Variants in DCDC1 observed in about 807,000 individuals in gnomAD.
DCDC1 encodes doublecortin domain-containing protein 1.
DCDC1 carries 200 observed loss-of-function variants against 178.3 expected under a neutral mutation model. The ratio of observed to expected loss-of-function variants is 1.12; its 90% CI spans 1.00 to 1.26. The LOEUF is 1.26. DCDC1 is among the 50% of genes most tolerant of loss of function. The pLI is 0.00. For synonymous variants in DCDC1, 690 were observed against 604.8 expected, an observed-to-expected ratio of 1.14 and a Z score of -2.07; for missense variants, 1,983 against 1,749.2, an observed-to-expected ratio of 1.13 and a Z score of -2.38.
intron 7 of DCDC1, among the ~76,000 whole-genome samples, chr11:31,281,261 C>A (rs1946405834): frequency 6.6e-6 from 1 of 151,964 alleles, no homozygotes; most frequent in Non-Finnish European, 1.5e-5. Flanking sequence ...TGCCTTATCA[C>A]AGGGTAGGGC....
rs1339795515 is a variant in DCDC1, at chr11:30,865,352, A to G, written c.*41-20T>C. The stretch of plus-strand genomic sequence containing the variant: ...TCTTTCCTGTAAGGTAGAGAGAGAA[A>G]CAAATCTATATATATGTATATACAT... On this transcript the variant is annotated intron_variant, in intron 38 of 38. Coordinates refer to ENST00000684477, the MANE Select transcript of DCDC1 (RefSeq NM_001387274.1). The G allele has an allele frequency of 1.3e-5, 2 of 152,324 alleles. No homozygotes were observed. The highest frequency in any genetic ancestry group is 2.9e-5 in the Non-Finnish European group (2 of 68,032). 9.4% of individuals were successfully genotyped at this position (152,324 alleles called of 1,614,324 possible).
At chr11:30,886,346 GTTTTA>G (rs1395771891) in intron 36 of DCDC1, among the ~76,000 whole-genome samples, 1 of 152,176 alleles carries the variant, frequency 6.6e-6, no homozygotes, top group Non-Finnish European at 1.5e-5. Flanking sequence ...GATTCATATG[GTTTTA>G]TTTTATTATT....
intron 7 of DCDC1, among the ~76,000 whole-genome samples, chr11:31,274,710 T>C (rs909882484): frequency 1.3e-5 from 2 of 151,244 alleles, no homozygotes; most frequent in African/African-American, 4.9e-5. Flanking sequence ...TTTTTTTTTT[T>C]TTTTTTCCGA....
chr11:30,944,040 T>C (rs538814879), intron 21 of DCDC1: 1 of 252,648 alleles, frequency 4.0e-6, no homozygotes, highest in East Asian at 9.1e-5. Flanking sequence ...GTTAGATGGT[T>C]TTCCTAGATT....
chr11:31,042,429 T>C (rs1954522959), intron 20 of DCDC1, among the ~76,000 whole-genome samples: 2 of 152,192 alleles, frequency 1.3e-5, no homozygotes, highest in African/African-American at 2.4e-5. Context: ...CCCAAAGTCA[T>C]TTTTAAAATG....
intron 20 of DCDC1, among the ~76,000 whole-genome samples, chr11:31,050,837 T>G (rs911103804): frequency 6.6e-5 from 10 of 152,136 alleles, no homozygotes; most frequent in African/African-American, 2.4e-4. Flanking sequence ...AACAACAGCC[T>G]TCAGCCCTAG....
At chr11:30,896,213 AT>A (rs1944200823) in intron 34 of DCDC1, among the ~76,000 whole-genome samples, 1 of 152,116 alleles carries the variant, frequency 6.6e-6, no homozygotes, top group Admixed American at 6.5e-5. Flanking sequence ...ATTGTTTTTT[AT>A]TTTCTTATTA....
intron 7 of DCDC1, among the ~76,000 whole-genome samples, 170 bp from the exon 8 acceptor site, chr11:31,265,770 A>C (rs183233756): frequency 6.6e-6 from 1 of 151,114 alleles, no homozygotes; most frequent in East Asian, 1.9e-4. Context: ...AAATTGCTAC[A>C]TTGTACTTGC....
chr11:31,108,443 A>G (rs1265719854), intron 12 of DCDC1, among the ~76,000 whole-genome samples: 1 of 152,174 alleles, frequency 6.6e-6, no homozygotes, highest in South Asian at 2.1e-4. Context: ...GTGTGGTTTC[A>G]GCTCTTGAGC....
At chr11:31,004,557 C>T (rs1951738525) in intron 20 of DCDC1, among the ~76,000 whole-genome samples, 1 of 151,316 alleles carries the variant, frequency 6.6e-6, no homozygotes, top group African/African-American at 2.4e-5. Flanking sequence ...GAGGCAGGCT[C>T]CTGTAGTCCC....
In DCDC1 at chr11:31,249,802, G is replaced by A. The variant is rs190321816; in HGVS notation, c.1055-8186C>T. On this transcript the variant is annotated intron_variant, in intron 8 of 38. Coordinates refer to ENST00000684477, the MANE Select transcript of DCDC1 (RefSeq NM_001387274.1). Reference sequence around the variant, plus strand: ...CTAAGGAACTCAATGATTGAAGAGAGGCAAATACACTTAAATTTAAAGAAG... The same window carrying A: ...CTAAGGAACTCAATGATTGAAGAGAAGCAAATACACTTAAATTTAAAGAAG... Among the ~76,000 whole-genome samples, 224 of 152,242 alleles carry A rather than the reference G, an allele frequency of 1.5e-3. 4 individuals carry two copies. The highest frequency in any genetic ancestry group is 2.9e-4 in the Non-Finnish European group (20 of 68,008).
intron 23 of DCDC1, among the ~76,000 whole-genome samples, chr11:30,924,081 A>T (rs1294220005): frequency 6.6e-6 from 1 of 152,050 alleles, no homozygotes; most frequent in Non-Finnish European, 1.5e-5. Context: ...TCCTCCTTCC[A>T]CTCATACCTG....
At chr11:30,998,358 C>T (rs549997226) in intron 20 of DCDC1, among the ~76,000 whole-genome samples, 1 of 152,078 alleles carries the variant, frequency 6.6e-6, no homozygotes, top group Admixed American at 6.6e-5. Flanking sequence ...AAAGACACAG[C>T]AGGAACCAAC....
At chr11:31,018,436 A>G (rs759536071) in intron 20 of DCDC1, among the ~76,000 whole-genome samples, 13 of 152,234 alleles carry the variant, frequency 8.5e-5, no homozygotes, top group Non-Finnish European at 1.9e-4. Context: ...GATCCAGTGA[A>G]CATTACTAAG....
At chr11:31,098,291 T>C (rs1210225661) in intron 15 of DCDC1, among the ~76,000 whole-genome samples, 2 of 152,166 alleles carry the variant, frequency 1.3e-5, no homozygotes, top group African/African-American at 2.4e-5. Flanking sequence ...TTAAACTGAG[T>C]CAATCTAAAA....
At chr11:31,273,335 A>G (rs1024005787) in intron 7 of DCDC1, among the ~76,000 whole-genome samples, 1 of 152,314 alleles carries the variant, frequency 6.6e-6, no homozygotes, top group Admixed American at 6.5e-5. Context: ...ACGGTACCCA[A>G]GTCACATCTT....
intron 8 of DCDC1, among the ~76,000 whole-genome samples, chr11:31,249,708 T>G (rs893375579): frequency 5.3e-5 from 8 of 152,152 alleles, no homozygotes; most frequent in African/African-American, 1.9e-4. Context: ...TTGCCAGCAC[T>G]TAGCACCCTT....
chr11:31,315,645 CCT>C (rs1491111305), intron 3 of DCDC1, among the ~76,000 whole-genome samples: 5 of 104,166 alleles, frequency 4.8e-5, no homozygotes, highest in Non-Finnish European at 7.6e-5. Context: ...CATCTGCATA[CCT>C]TTTTTTTTTT....
intron 38 of DCDC1, among the ~76,000 whole-genome samples, chr11:30,876,762 T>A (rs1323369169): frequency 6.6e-6 from 1 of 152,078 alleles, no homozygotes; most frequent in African/African-American, 2.4e-5. Flanking sequence ...ATAGGTACTT[T>A]TGCACCTAGA....
Sources: gnomAD v4.1 joint callset for allele counts (sites outside exome capture counted in the v4.1 genomes callset) on GRCh38, gnomAD v4.1.1 for gene constraint, MANE v1.5 for transcripts, NCBI Gene and HGNC (gene_info 2026-07-23, HGNC 2026-07-21) for gene names.